Variants in TCEA3 observed in about 807,000 individuals in gnomAD.
TCEA3 encodes the protein transcription elongation factor A protein 3.
Under a neutral mutation model 44.0 loss-of-function variants are expected in TCEA3, and 36 were observed. The observed-to-expected ratio is 0.82, with a 90% CI of 0.63 to 1.08. The LOEUF (loss-of-function observed/expected upper bound fraction) is 1.08. Ranked by LOEUF, TCEA3 falls within the 50% of genes least tolerant of loss-of-function variation. The pLI is 0.00. For missense variants in TCEA3, 392 were observed against 441.2 expected (o/e 0.89, Z 1.00); for synonymous variants, 162 against 159.7 (o/e 1.01, Z -0.11).
chr1:23,423,743 G>A, intron 1 of TCEA3: 1 of 455,910 alleles, frequency 2.2e-6, no homozygotes, highest in Admixed American at 2.4e-5. Flanking sequence ...CTGGCCAGGC[G>A]ACCAGTCGGC....
At position 23,417,959 on chromosome 1, in the gene TCEA3, G is replaced by A. The variant is rs755257341; in HGVS notation, c.183C>T (p.Asp61=). The change falls in exon 3 of 11, where the codon GAC becomes GAT. Residue 61 remains aspartate (D), a synonymous_variant. Transcript: ENST00000450454. The part of the protein sequence containing the change: ...AVNGVRKHCS[D]KEVVSLAKVL... ...CTTTGGCCAAGGACACCACCTCCTT[G>A]TCTGAGCAGTGCTTGCGGACCCCAT... 1 of 1,614,052 alleles carries A rather than the reference G, an allele frequency of 6.2e-7. No individual in the cohort carries two copies. Among genetic ancestry groups the A allele is most frequent in the Non-Finnish European group, 8.5e-7 (1 of 1,179,892 alleles).
intron 5 of TCEA3, among the ~76,000 whole-genome samples, chr1:23,405,398 C>T (rs773489327): frequency 3.0e-4 from 46 of 152,128 alleles, no homozygotes; most frequent in Admixed American, 9.2e-4. Context: ...AGATCGAGAC[C>T]ATCCTGGCCA....
intron 1 of TCEA3, 57 bp downstream of exon 1, chr1:23,424,508 G>A: frequency 6.6e-7 from 1 of 1,523,134 alleles, no homozygotes; most frequent in Non-Finnish European, 9.0e-7. Flanking sequence ...CCCGGAATCC[G>A]GGGCTTGCCC....
rs1026292482 is a variant in TCEA3 at position 23,387,566 on chromosome 1, G to GC, written c.820-148dup. The GC allele has an allele frequency of 6.0e-6, 6 of 1,006,938 alleles. No homozygotes were observed. In the African/African-American group the frequency reaches 9.8e-5, roughly 16 times the overall value. 62.4% of individuals were successfully genotyped at this position (1,006,938 alleles called of 1,614,324 possible). ...GAAGGAGGCCTGGATTCCGGGTCCT[G>GC]CCCCAGCTGGGAGAAAGCTGTCCCC... On this transcript the variant is annotated intron_variant, in intron 8 of 10. Transcript: ENST00000450454.
intron 4 of TCEA3, among the ~76,000 whole-genome samples, chr1:23,413,142 T>G (rs76461928): frequency 0.035 from 5,266 of 152,206 alleles, 267 homozygotes; most frequent in African/African-American, 0.12. Context: ...GAATGTTCTT[T>G]TTTTCTTTTT....
intron 5 of TCEA3, among the ~76,000 whole-genome samples, chr1:23,406,728 C>T (rs988971707): frequency 6.6e-6 from 1 of 152,182 alleles, no homozygotes; most frequent in African/African-American, 2.4e-5. Flanking sequence ...CTCATGGCAA[C>T]CTCCGCCTCC....
intron 5 of TCEA3, among the ~76,000 whole-genome samples, chr1:23,404,658 A>G (rs1308159199): frequency 6.6e-6 from 1 of 152,042 alleles, no homozygotes; most frequent in Non-Finnish European, 1.5e-5. Context: ...TGTTGCTGAT[A>G]CTGAAAACTG....
chr1:23,403,910 G>A, intron 5 of TCEA3: 1 of 546,930 alleles, frequency 1.8e-6, no homozygotes, highest in Non-Finnish European at 3.3e-6. Context: ...AGCATTTCAG[G>A]CAGCCACACT....
chr1:23,393,177 T>C (rs1442003468), intron 8 of TCEA3, among the ~76,000 whole-genome samples: 2 of 152,080 alleles, frequency 1.3e-5, no homozygotes, highest in Non-Finnish European at 2.9e-5. Flanking sequence ...TCTAATGCCG[T>C]CACTGATCTG....
At chr1:23,408,612 G>A in intron 5 of TCEA3, 52 bp downstream of exon 5, 4 of 1,563,374 alleles carry the variant, frequency 2.6e-6, no homozygotes, top group Non-Finnish European at 3.5e-6. Flanking sequence ...ACAGAGAAGG[G>A]GACACAGGCT....
chr1:23,415,014 CTTTTTTTTTTTTT>C (rs59946326), intron 4 of TCEA3, among the ~76,000 whole-genome samples: 2 of 43,116 alleles, frequency 4.6e-5, no homozygotes, highest in African/African-American at 8.4e-5. Flanking sequence ...CTTTACTGTT[CTTTTTTTTTTTTT>C]TTTTTTTTTT....
At chr1:23,383,084 C>T (rs928919171) in intron 10 of TCEA3, among the ~76,000 whole-genome samples, 1 of 152,064 alleles carries the variant, frequency 6.6e-6, no homozygotes, top group Admixed American at 6.5e-5. Flanking sequence ...TCAAGACCAT[C>T]CTGGCTAACA....
intron 5 of TCEA3, among the ~76,000 whole-genome samples, chr1:23,408,240 G>A (rs1446047535): frequency 2.6e-5 from 4 of 152,178 alleles, no homozygotes; most frequent in East Asian, 3.9e-4. Flanking sequence ...GGGATTACAG[G>A]CATGAGCCAC....
chr1:23,381,795 A>G (rs935101615), intron 10 of TCEA3, among the ~76,000 whole-genome samples: 1 of 152,202 alleles, frequency 6.6e-6, no homozygotes, highest in Non-Finnish European at 1.5e-5. Flanking sequence ...GGTCTCCCAC[A>G]TGGCAACGGA....
chr1:23,381,190 C>T lies in TCEA3; in HGVS notation c.*276G>A, dbSNP rs911416431. On this transcript the variant is annotated 3_prime_UTR_variant, in exon 11 of 11. Transcript: ENST00000450454. ...TCAGCCTCCCAGAGTTTGCAGATTA[C>T]AGCCATAAACCACCGTGCCCAGCCC... 3 of 444,442 alleles carry T rather than the reference C, an allele frequency of 6.8e-6. No individual in the cohort carries two copies. The highest frequency in any genetic ancestry group is 8.0e-6 in the Non-Finnish European group (2 of 248,502). The allele number at this position is 444,442 out of a possible 1,614,324, so 27.5% of individuals were successfully genotyped here.
At chr1:23,421,549 A>G (rs1640067657) in intron 1 of TCEA3, among the ~76,000 whole-genome samples, 1 of 152,170 alleles carries the variant, frequency 6.6e-6, no homozygotes, top group African/African-American at 2.4e-5. Flanking sequence ...TCTGTGGTGT[A>G]AACACTCATC....
chr1:23,415,489 T>C (rs1256496811), intron 4 of TCEA3, among the ~76,000 whole-genome samples: 1 of 152,206 alleles, frequency 6.6e-6, no homozygotes, highest in Non-Finnish European at 1.5e-5. Flanking sequence ...TCCTTCAACT[T>C]CATCTCATAA....
At chr1:23,402,794 T>C (rs1767140) in intron 5 of TCEA3, among the ~76,000 whole-genome samples, 11,626 of 152,282 alleles carry the variant, frequency 0.076, 1,516 homozygotes, top group African/African-American at 0.26. Context: ...TTCCAGCTCC[T>C]GTAACAGTGC....
chr1:23,390,527 A>G (rs751016793), intron 8 of TCEA3, among the ~76,000 whole-genome samples: 141 of 152,204 alleles, frequency 9.3e-4, no homozygotes, highest in Non-Finnish European at 1.4e-3. Flanking sequence ...AGATCAGAGG[A>G]CAAGAATAGC....
Sources: allele counts gnomAD v4.1 joint callset (sites outside exome capture counted in the v4.1 genomes callset), GRCh38; gene constraint gnomAD v4.1.1; transcripts MANE v1.5; gene names NCBI Gene and HGNC (gene_info 2026-07-23, HGNC 2026-07-21).